Variants in ASTN1 observed in about 807,000 individuals in gnomAD.
ASTN1 encodes astrotactin-1.
Under a neutral mutation model 140.7 loss-of-function variants are expected in ASTN1, and 41 were observed. That is an observed-to-expected ratio of 0.29 (90% CI 0.23 to 0.38). ASTN1 has a LOEUF of 0.38. Ranked by LOEUF, ASTN1 falls within the 10% of genes least tolerant of loss-of-function variation. ASTN1 has a pLI of 1.00. For synonymous variants in ASTN1, 640 were observed against 652.2 expected (o/e 0.98, Z 0.29); for missense variants, 1,479 against 1,678.8 (o/e 0.88, Z 2.08).
chr1:177,067,721 G>T (rs1678435008), intron 1 of ASTN1, among the ~76,000 whole-genome samples: 2 of 152,130 alleles, frequency 1.3e-5, no homozygotes, highest in Non-Finnish European at 2.9e-5. Flanking sequence ...TGTGGAAAGG[G>T]ATCCTCTAAA....
intron 7 of ASTN1, among the ~76,000 whole-genome samples, chr1:177,022,246 G>C (rs1675868031): frequency 6.6e-6 from 1 of 152,132 alleles, no homozygotes; most frequent in Non-Finnish European, 1.5e-5. Context: ...GGTGGGCTGG[G>C]GTAGAGGGGG....
At chr1:176,929,856 A>C (rs1342646123) in intron 16 of ASTN1, among the ~76,000 whole-genome samples, 6 of 152,152 alleles carry the variant, frequency 3.9e-5, no homozygotes, top group Admixed American at 1.3e-4. Context: ...AAAATACAAA[A>C]AATTAGCCAG....
chr1:177,075,093 A>G (rs1362537392), intron 1 of ASTN1, among the ~76,000 whole-genome samples: 1 of 151,956 alleles, frequency 6.6e-6, no homozygotes, highest in Non-Finnish European at 1.5e-5. Context: ...TTTTATTTTG[A>G]GATGGAGTCT....
At chr1:176,904,685 GC>G (rs1669912372) in intron 16 of ASTN1, among the ~76,000 whole-genome samples, 2 of 152,156 alleles carry the variant, frequency 1.3e-5, no homozygotes, top group Admixed American at 1.3e-4. Flanking sequence ...GAGCTGAGAA[GC>G]CAAGTGTGCA....
intron 8 of ASTN1, among the ~76,000 whole-genome samples, chr1:177,000,986 G>A (rs547535674): frequency 9.5e-4 from 145 of 152,250 alleles, no homozygotes; most frequent in African/African-American, 3.4e-3. Context: ...CCTGAAATTA[G>A]GGAGGTGATT....
intron 1 of ASTN1, among the ~76,000 whole-genome samples, chr1:177,139,477 G>A (rs1434253571): frequency 1.3e-5 from 2 of 152,306 alleles, no homozygotes; most frequent in East Asian, 3.9e-4. Flanking sequence ...ATGCATATAA[G>A]TCCTGAACAG....
chr1:176,974,106 A>G (rs1179125365), intron 8 of ASTN1, among the ~76,000 whole-genome samples: 2 of 152,200 alleles, frequency 1.3e-5, no homozygotes, highest in African/African-American at 2.4e-5. Context: ...CTTCCATTCT[A>G]TATTTTATGT....
chr1:177,066,010 G>A (rs2102043449), intron 1 of ASTN1, among the ~76,000 whole-genome samples: 1 of 152,300 alleles, frequency 6.6e-6, no homozygotes, highest in Middle Eastern at 3.4e-3. Flanking sequence ...TCTGAACAAG[G>A]AGGATCTGTG....
At chr1:177,041,610 TTTC>T (rs1386674705) in intron 2 of ASTN1, among the ~76,000 whole-genome samples, 1 of 152,252 alleles carries the variant, frequency 6.6e-6, no homozygotes, top group East Asian at 1.9e-4. Flanking sequence ...CCTTTCCTCC[TTTC>T]TTCTTTGTTT....
intron 1 of ASTN1, among the ~76,000 whole-genome samples, chr1:177,128,435 T>C (rs1464594164): frequency 6.6e-6 from 1 of 152,210 alleles, no homozygotes; most frequent in Non-Finnish European, 1.5e-5. Context: ...CCTCAAATTC[T>C]CCATATATTT....
chr1:177,144,150 A>ATTT (rs11389941), intron 1 of ASTN1, among the ~76,000 whole-genome samples: 1 of 139,598 alleles, frequency 7.2e-6, no homozygotes, highest in Admixed American at 7.2e-5. Context: ...CTGGAACATG[A>ATTT]TTTTTTTTTT....
intron 8 of ASTN1, among the ~76,000 whole-genome samples, chr1:176,995,730 G>A (rs1167884358): frequency 6.6e-6 from 1 of 152,176 alleles, no homozygotes; most frequent in Non-Finnish European, 1.5e-5. Flanking sequence ...TTGGGGCAGA[G>A]GGTAAAATGG....
At chr1:176,974,538 A>G (rs544751958) in intron 8 of ASTN1, among the ~76,000 whole-genome samples, 322 of 152,050 alleles carry the variant, frequency 2.1e-3, no homozygotes, top group African/African-American at 7.5e-3. Flanking sequence ...GGTGCCCTCC[A>G]CCAGGCCCGG....
At chr1:176,928,720 C>G (rs1470217538) in intron 16 of ASTN1, among the ~76,000 whole-genome samples, 1 of 152,180 alleles carries the variant, frequency 6.6e-6, no homozygotes, top group East Asian at 1.9e-4. Flanking sequence ...CATGTTGGGG[C>G]CTGACACTTG....
At chr1:177,034,541 C>T (rs1676616349) in intron 2 of ASTN1, among the ~76,000 whole-genome samples, 2 of 152,126 alleles carry the variant, frequency 1.3e-5, no homozygotes, top group South Asian at 4.1e-4. Context: ...CTAACTGCCA[C>T]CTCCACTCCC....
At position 176,894,834 on chromosome 1, in the gene ASTN1, CA is replaced by C; in HGVS notation, c.2672-5del. 1 of 1,613,282 alleles carries C rather than the reference CA, an allele frequency of 6.2e-7. No individual in the cohort carries two copies. The highest frequency in any genetic ancestry group is 2.2e-5 in the East Asian group (1 of 44,884). ...GACTCATCTGATGGGGAGTTGCCTG[CA>C]GACACAAAATGGAAAGAAACAGTGA... On this transcript the variant is annotated splice_polypyrimidine_tract_variant and splice_region_variant and intron_variant, in intron 16 of 22. Transcript: ENST00000361833.
chr1:177,015,070 C>T (rs970259340), intron 7 of ASTN1, among the ~76,000 whole-genome samples, 195 bp from the exon 8 acceptor site: 1 of 152,148 alleles, frequency 6.6e-6, no homozygotes, highest in Non-Finnish European at 1.5e-5. Context: ...ACCAATCTCT[C>T]CCTTCTCCAG....
rs116396998 is a variant in ASTN1 at position 176,863,193 on chromosome 1, G to A, written c.*1091C>T. ...CCATGGTGGAATCCTCCTGCTTATG[G>A]TCATCAGAGAAACGATTTGCAAAAC... On this transcript the variant is annotated 3_prime_UTR_variant, in exon 23 of 23. Coordinates refer to ENST00000361833, the MANE Select transcript of ASTN1 (RefSeq NM_004319.3). 3.0e-6 allele frequency: 3 copies of A among 985,884 alleles called. No individual in the cohort carries two copies. In the African/African-American group the frequency reaches 5.2e-5, roughly 17 times the overall value. The allele number at this position is 985,884 out of a possible 1,614,324, so 61.1% of individuals were successfully genotyped here.
At chr1:176,986,899 C>G (rs1303030672) in intron 8 of ASTN1, among the ~76,000 whole-genome samples, 1 of 152,134 alleles carries the variant, frequency 6.6e-6, no homozygotes, top group South Asian at 2.1e-4. Flanking sequence ...TGTTATTATT[C>G]TCATCATCAC....
Sources: gnomAD v4.1 joint callset for allele counts (sites outside exome capture counted in the v4.1 genomes callset) on GRCh38, gnomAD v4.1.1 for gene constraint, MANE v1.5 for transcripts, NCBI Gene and HGNC (gene_info 2026-07-23, HGNC 2026-07-21) for gene names.